Variants in DMD observed in about 807,000 individuals in gnomAD.
DMD encodes the protein dystrophin.
A neutral mutation model predicts 330.1 loss-of-function variants in DMD; 63 were observed. The observed-to-expected ratio is 0.19, with a 90% CI of 0.16 to 0.24. The LOEUF (loss-of-function observed/expected upper bound fraction) is 0.24, where lower values mean the gene tolerates loss of function less well. Among genes scored for constraint, DMD ranks in the 10% least tolerant of loss-of-function variants. The pLI, the probability that DMD is intolerant of heterozygous loss-of-function variation, is 1.00. For missense variants in DMD, 3,344 were observed against 2,684.1 expected (o/e 1.25, Z -5.43); for synonymous variants, 1,223 against 959.8 (o/e 1.27, Z -5.07).
At chrX:32,972,807 G>A (rs1295190190) in intron 2 of DMD, among the ~76,000 whole-genome samples, 2 of 111,894 alleles carry the variant, frequency 1.8e-5, no homozygotes, top group African/African-American at 6.5e-5. Context: ...GGATTCTTAT[G>A]AGAATTTAAT....
chrX:32,669,851 G>C (rs1157922852), intron 9 of DMD, among the ~76,000 whole-genome samples: 1 of 110,835 alleles, frequency 9.0e-6, no homozygotes, highest in Non-Finnish European at 1.9e-5. Flanking sequence ...GTATCTCCTT[G>C]AGCATGATAT....
intron 62 of DMD, among the ~76,000 whole-genome samples, chrX:31,266,546 T>A (rs952370505): frequency 9.0e-6 from 1 of 111,633 alleles, no homozygotes; most frequent in Non-Finnish European, 1.9e-5. Flanking sequence ...CGGGGAGAAA[T>A]CAGCTTTTTC....
chrX:32,652,718 A>G (rs2060255211), intron 9 of DMD, among the ~76,000 whole-genome samples: 1 of 111,551 alleles, frequency 9.0e-6, no homozygotes, highest in African/African-American at 3.3e-5. Flanking sequence ...TTCTAGTTCT[A>G]GATCCTTGAG....
At chrX:32,790,685 C>T (rs2075749302) in intron 7 of DMD, among the ~76,000 whole-genome samples, 1 of 111,590 alleles carries the variant, frequency 9.0e-6, no homozygotes, top group African/African-American at 3.3e-5. Flanking sequence ...GAGGGGTGGC[C>T]ACTCAACTTC....
At position 32,971,700 on chromosome X, in the gene DMD, C is replaced by A. The variant is rs1189918907; in HGVS notation, c.93+48439G>T. Among the ~76,000 whole-genome samples the A allele has an allele frequency of 2.7e-5, 3 of 110,592 alleles. No homozygotes were observed. In the East Asian group the frequency reaches 8.6e-4, roughly 32 times the overall value. On this transcript the variant is annotated intron_variant, in intron 2 of 78. Transcript: ENST00000357033. ...TTAAATTGACAATATATTTTAATTT[C>A]TCTTATAATTTTCTATGTTCTATGT... is the stretch of plus-strand genomic sequence containing the variant.
chrX:31,872,801 G>T (rs1265079954), intron 48 of DMD, among the ~76,000 whole-genome samples: 1 of 111,452 alleles, frequency 9.0e-6, no homozygotes, highest in Non-Finnish European at 1.9e-5. Context: ...CCAAGTAACT[G>T]TACTTTCTTG....
At chrX:33,107,823 T>C (rs1328719651) in intron 1 of DMD, among the ~76,000 whole-genome samples, 1 of 111,911 alleles carries the variant, frequency 8.9e-6, no homozygotes, top group Non-Finnish European at 1.9e-5. Flanking sequence ...TATAAATTAA[T>C]AATGACTTTA....
chrX:32,524,252 C>G (rs146933750), intron 17 of DMD, among the ~76,000 whole-genome samples: 1,981 of 111,753 alleles, frequency 0.018, 22 homozygotes, highest in Middle Eastern at 0.056. Context: ...AATCTTGTAA[C>G]ACTTTTAGAG....
chrX:32,770,892 T>A (rs1402966201), intron 7 of DMD, among the ~76,000 whole-genome samples: 1 of 112,216 alleles, frequency 8.9e-6, no homozygotes, highest in East Asian at 2.8e-4. Context: ...ATGGAGAGGT[T>A]GGCTCTACTT....
At chrX:32,149,076 T>C (rs1382452643) in intron 44 of DMD, among the ~76,000 whole-genome samples, 3 of 111,822 alleles carry the variant, frequency 2.7e-5, no homozygotes, top group Non-Finnish European at 3.8e-5. Flanking sequence ...AATATGAAAG[T>C]AGAAAAAGGC....
At chrX:32,901,427 CAAGCAATTTGCTATTGAG>C (rs2086233160) in intron 2 of DMD, among the ~76,000 whole-genome samples, 1 of 109,063 alleles carries the variant, frequency 9.2e-6, no homozygotes, top group Non-Finnish European at 1.9e-5. Context: ...TACAGTCAGC[CAAGCAATTTGCTATTGAG>C]AACTCTCAAA....
intron 53 of DMD, among the ~76,000 whole-genome samples, chrX:31,671,437 T>C (rs1017336840): frequency 8.9e-6 from 1 of 112,457 alleles, no homozygotes; most frequent in Admixed American, 9.4e-5. Context: ...GTTAATATGT[T>C]GTTGTATTAG....
At chrX:32,094,173 A>G (rs773495298) in intron 44 of DMD, among the ~76,000 whole-genome samples, 1 of 112,321 alleles carries the variant, frequency 8.9e-6, no homozygotes, top group East Asian at 2.8e-4. Flanking sequence ...TTAACACATT[A>G]AAAAGTCTTC....
chrX:31,271,467 G>A (rs920214983), intron 62 of DMD, among the ~76,000 whole-genome samples: 5 of 111,017 alleles, frequency 4.5e-5, no homozygotes, highest in Non-Finnish European at 9.4e-5. Flanking sequence ...GGTTGCATGT[G>A]GTTTCAATGT....
chrX:32,632,468 G>A (rs1375805167), intron 11 of DMD, among the ~76,000 whole-genome samples: 1 of 112,570 alleles, frequency 8.9e-6, no homozygotes, highest in Admixed American at 9.3e-5. Flanking sequence ...GGGACTACGT[G>A]TGGGGGATCA....
intron 1 of DMD, among the ~76,000 whole-genome samples, chrX:33,080,007 G>A (rs181153904): frequency 8.9e-6 from 1 of 112,008 alleles, no homozygotes; most frequent in Non-Finnish European, 1.9e-5. Flanking sequence ...TTTCATGTTC[G>A]CATTAGTGCA....
chrX:33,020,623 G>A (rs943981479), intron 1 of DMD, among the ~76,000 whole-genome samples: 2 of 111,728 alleles, frequency 1.8e-5, no homozygotes, highest in South Asian at 3.8e-4. Flanking sequence ...GCAGTGAGCC[G>A]AGATCATGGC....
At chrX:32,962,001 T>C (rs2091918441) in intron 2 of DMD, among the ~76,000 whole-genome samples, 1 of 111,755 alleles carries the variant, frequency 8.9e-6, no homozygotes, top group African/African-American at 3.3e-5. Flanking sequence ...TGTGGGAAAA[T>C]GACAACAGCA....
At chrX:32,737,385 T>C (rs1368595530) in intron 7 of DMD, among the ~76,000 whole-genome samples, 4 of 111,456 alleles carry the variant, frequency 3.6e-5, no homozygotes, top group African/African-American at 1.3e-4. Context: ...TTTCTAATAA[T>C]TAGGTCTTAT....
Sources: gnomAD v4.1 joint callset for allele counts (sites outside exome capture counted in the v4.1 genomes callset) on GRCh38, gnomAD v4.1.1 for gene constraint, MANE v1.5 for transcripts, NCBI Gene and HGNC (gene_info 2026-07-23, HGNC 2026-07-21) for gene names.